KDM4D: variants seen among roughly 807,000 people sequenced by gnomAD.
KDM4D encodes lysine demethylase 4D.
For missense variants in KDM4D, 427 were observed against 674.8 expected, an observed-to-expected ratio of 0.63 and a Z score of 4.07; for synonymous variants, 254 against 249.1, an observed-to-expected ratio of 1.02 and a Z score of -0.19.
intron 2 of KDM4D, among the ~76,000 whole-genome samples, chr11:94,985,280 A>G (rs1555098003): frequency 6.6e-6 from 1 of 152,222 alleles, no homozygotes; most frequent in African/African-American, 2.4e-5. Context: ...CAAGATCAAT[A>G]TACATAAATT....
intron 2 of KDM4D, among the ~76,000 whole-genome samples, chr11:94,991,619 G>A (rs1857935269): frequency 6.6e-6 from 1 of 151,666 alleles, no homozygotes; most frequent in Non-Finnish European, 1.5e-5. Flanking sequence ...CAAAGAGAAA[G>A]GAAGTTTAGA....
rs1857999030 is a variant in KDM4D at position 94,998,682 on chromosome 11, CT to C, written c.1311del (p.Gly438ValfsTer23). ...KKPSSTPSST[P>X]GPSAQIIHPS... Reference sequence around the variant, plus strand: ...CCCAGCTCAACTCCATCATCCACCCCTGGTCCATCTGCACAGATTATCCACC... The same window carrying C: ...CCCAGCTCAACTCCATCATCCACCCCGGTCCATCTGCACAGATTATCCACC... On this transcript the variant is annotated frameshift_variant, in exon 3 of 3. Transcript: ENST00000335080. LOFTEE classifies it low-confidence loss of function (END_TRUNC). The surrounding 1 kb of genome is among the most constrained non-coding windows in gnomAD (Gnocchi z 6.7). 6.2e-7 allele frequency: 1 copy of C among 1,614,234 alleles called. No individual in the cohort carries two copies. Among genetic ancestry groups the C allele is most frequent in the African/African-American group, 1.3e-5 (1 of 75,066 alleles).
intron 2 of KDM4D, among the ~76,000 whole-genome samples, chr11:94,978,662 C>T (rs782096103): frequency 9.2e-5 from 14 of 151,832 alleles, no homozygotes; most frequent in Non-Finnish European, 1.8e-4. Context: ...TGTACTACTG[C>T]GAAGACAATT....
At chr11:94,996,702 C>G (rs1857978331) in intron 2 of KDM4D, among the ~76,000 whole-genome samples, 1 of 152,164 alleles carries the variant, frequency 6.6e-6, no homozygotes, top group African/African-American at 2.4e-5. Flanking sequence ...TTGTTATGAA[C>G]ATTACTGGAT....
intron 2 of KDM4D, among the ~76,000 whole-genome samples, chr11:94,984,866 CA>C (rs35800960): frequency 0.016 from 2,324 of 148,458 alleles, 23 homozygotes; most frequent in South Asian, 0.034. Context: ...GACTCCGTCT[CA>C]AAAAAAAAAT....
chr11:94,991,098 G>A (rs1009676168), intron 2 of KDM4D, among the ~76,000 whole-genome samples: 1 of 152,168 alleles, frequency 6.6e-6, no homozygotes, highest in Admixed American at 6.5e-5. Context: ...ATTTGGGAGG[G>A]AAGTCAGACC....
rs1163932288 is a variant in KDM4D at position 94,997,651 on chromosome 11, G to A, written c.279G>A (p.Lys93=). 1.2e-6 allele frequency: 2 copies of A among 1,613,856 alleles called. No individual in the cohort carries two copies. The highest frequency in any genetic ancestry group is 1.7e-6 in the Non-Finnish European group (2 of 1,179,978). Residue 93 remains lysine (K), a synonymous_variant, in exon 3 of 3, where the codon AAG becomes AAA. Coordinates refer to ENST00000335080, the MANE Select transcript of KDM4D (RefSeq NM_018039.3). Reference sequence around the variant, plus strand: ...TGTTTACTCAATACCATAAAAAAAAGAAAGCCATGACTGTGGGGGAGTATC... The same window carrying A: ...TGTTTACTCAATACCATAAAAAAAAAAAAGCCATGACTGTGGGGGAGTATC... ...AGVFTQYHKK[K]KAMTVGEYRH...
At chr11:94,974,393 T>C (rs1555096729) in intron 1 of KDM4D, among the ~76,000 whole-genome samples, 1 of 152,252 alleles carries the variant, frequency 6.6e-6, no homozygotes, top group Non-Finnish European at 1.5e-5. Context: ...TCTCATCACA[T>C]AGACCTTGAC....
intron 2 of KDM4D, among the ~76,000 whole-genome samples, chr11:94,977,638 C>T (rs1857808733): frequency 6.6e-6 from 1 of 152,120 alleles, no homozygotes; most frequent in African/African-American, 2.4e-5. Context: ...CTCCCTTCCC[C>T]TCTTTCTTCT....
At chr11:94,984,203 C>T (rs1418118393) in intron 2 of KDM4D, among the ~76,000 whole-genome samples, 3 of 151,934 alleles carry the variant, frequency 2.0e-5, no homozygotes, top group Admixed American at 2.0e-4. Flanking sequence ...TTAAAAATTG[C>T]AGAAAATGAG....
intron 2 of KDM4D, among the ~76,000 whole-genome samples, chr11:94,976,331 T>A (rs782728195): frequency 9.2e-5 from 14 of 152,188 alleles, no homozygotes; most frequent in Non-Finnish European, 1.8e-4. Context: ...CACCTCCTTT[T>A]CCCTCTGCAT....
At chr11:94,979,751 G>A (rs587649939) in intron 2 of KDM4D, among the ~76,000 whole-genome samples, 1 of 152,246 alleles carries the variant, frequency 6.6e-6, no homozygotes, top group East Asian at 1.9e-4. Context: ...TCGTTGTAGT[G>A]ATAATTGCAA....
At chr11:94,980,910 C>T (rs72977739) in intron 2 of KDM4D, among the ~76,000 whole-genome samples, 7,052 of 151,958 alleles carry the variant, frequency 0.046, 201 homozygotes, top group Middle Eastern at 0.068. Flanking sequence ...TTCTTTTTTC[C>T]TTGCCTTCTT....
intron 2 of KDM4D, among the ~76,000 whole-genome samples, chr11:94,983,165 C>T (rs1555097754): frequency 6.6e-6 from 1 of 151,556 alleles, no homozygotes; most frequent in African/African-American, 2.4e-5. Flanking sequence ...AATAAATGGA[C>T]CAGATGAAGA....
rs1458676355 is a variant in KDM4D at position 94,985,831 on chromosome 11, A to G, written c.-350+10083A>G. 2.6e-5 allele frequency among the ~76,000 whole-genome samples: 4 copies of G among 152,348 alleles called. No individual in the cohort carries two copies. The South Asian group carries it at 6.2e-4, about 24-fold the overall frequency. ...GACAGTCAATGGAGAAAGAAAACAA[A>G]TGGTGCTGGAACAACTCGATATCCA... On this transcript the variant is annotated intron_variant, in intron 2 of 2. Transcript: ENST00000335080.
At chr11:94,977,451 C>T (rs1461391102) in intron 2 of KDM4D, among the ~76,000 whole-genome samples, 1 of 152,082 alleles carries the variant, frequency 6.6e-6, no homozygotes, top group Non-Finnish European at 1.5e-5. Context: ...GTTGCTTGGA[C>T]ACGCACACAG....
chr11:94,985,664 A>G (rs1857879227), intron 2 of KDM4D, among the ~76,000 whole-genome samples: 1 of 152,196 alleles, frequency 6.6e-6, no homozygotes, highest in African/African-American at 2.4e-5. Context: ...GAGGGCTCAC[A>G]CTTTTCTATT....
chr11:94,982,030 T>C (rs1362379017), intron 2 of KDM4D, among the ~76,000 whole-genome samples: 1 of 151,680 alleles, frequency 6.6e-6, no homozygotes, highest in African/African-American at 2.4e-5. Context: ...TATTTTCATT[T>C]AGTTCAAAAT....
At chr11:94,991,665 T>C (rs587636681) in intron 2 of KDM4D, among the ~76,000 whole-genome samples, 1 of 151,900 alleles carries the variant, frequency 6.6e-6, no homozygotes, top group African/African-American at 2.4e-5. Context: ...AGATAAAATA[T>C]AGTGATAAAG....
Sources: allele counts gnomAD v4.1 joint callset (sites outside exome capture counted in the v4.1 genomes callset), GRCh38; gene constraint gnomAD v4.1.1; non-coding constraint Gnocchi (gnomAD v3.1); transcripts MANE v1.5; gene names NCBI Gene and HGNC (gene_info 2026-07-23, HGNC 2026-07-21).